The following HNRNPLL variants were observed in gnomAD, a reference collection of about 807,000 sequenced individuals.
The protein encoded by HNRNPLL is heterogeneous nuclear ribonucleoprotein L-like.
In HNRNPLL, 25 loss-of-function variants were observed where a neutral mutation model predicts 67.1. The observed-to-expected ratio is 0.37, with a 90% CI of 0.27 to 0.52. The LOEUF (loss-of-function observed/expected upper bound fraction) is 0.52, where lower values mean the gene tolerates loss of function less well. HNRNPLL is among the 20% of genes least tolerant of loss of function. The probability of loss-of-function intolerance (pLI) is 0.90; values close to 1 mark genes in which losing one functional copy is unlikely to be tolerated. For synonymous variants in HNRNPLL, 267 were observed against 241.7 expected (o/e 1.10, Z -0.97); for missense variants, 542 against 673.9 (o/e 0.80, Z 2.17).
intron 7 of HNRNPLL, among the ~76,000 whole-genome samples, chr2:38,576,173 T>C (rs575777069): frequency 6.6e-6 from 1 of 151,834 alleles, no homozygotes; most frequent in African/African-American, 2.4e-5. Flanking sequence ...GCAGAGTTCC[T>C]TGTCCTTCAT....
At chr2:38,578,513 C>T (rs991827443) in intron 6 of HNRNPLL, among the ~76,000 whole-genome samples, 3 of 152,030 alleles carry the variant, frequency 2.0e-5, no homozygotes, top group African/African-American at 7.2e-5. Flanking sequence ...TATCCTTAGT[C>T]ACCTAAACAA....
intron 1 of HNRNPLL, chr2:38,601,664 T>C (rs1300293696): frequency 6.6e-6 from 1 of 152,204 alleles, no homozygotes; most frequent in Non-Finnish European, 1.5e-5. Flanking sequence ...GTGTGTTTAA[T>C]GCAACCCTGA....
At chr2:38,564,844 A>C (rs76437209) in intron 12 of HNRNPLL, among the ~76,000 whole-genome samples, 1 of 151,996 alleles carries the variant, frequency 6.6e-6, no homozygotes, top group Non-Finnish European at 1.5e-5. Flanking sequence ...TATTGCCAAC[A>C]GTTAACTCTC....
At chr2:38,599,816 G>A (rs1667351417) in intron 1 of HNRNPLL, 1 of 454,888 alleles carries the variant, frequency 2.2e-6, no homozygotes, top group Middle Eastern at 3.3e-4. Flanking sequence ...AAAAAACCAA[G>A]CAATGTAAAT....
In HNRNPLL at chr2:38,569,839, A is replaced by G; in HGVS notation, c.1179T>C (p.Asn393=). The G allele has an allele frequency of 1.3e-6, 2 of 1,497,534 alleles. No homozygotes were observed. The highest frequency in any genetic ancestry group is 1.9e-6 in the Non-Finnish European group (2 of 1,077,726). 92.8% of individuals were successfully genotyped at this position (1,497,534 alleles called of 1,614,324 possible). A position where few individuals can be genotyped will look rare whatever the true frequency, so the allele number is the denominator to read the frequency against. ...GTCTTTTCCCAAATAATTTGACATT[A>G]TTAAGGTGTGTGACAGCTCTTTCTA... ...YAVERAVTHL[N]NVKLFGKRLN... is the part of the protein sequence containing the mutation. Residue 393 remains asparagine, a synonymous_variant, in exon 9 of 13, where the codon AAT becomes AAC. Coordinates refer to ENST00000449105, the MANE Select transcript of HNRNPLL (RefSeq NM_138394.4).
At chr2:38,587,715 C>T (rs867873967) in intron 2 of HNRNPLL, among the ~76,000 whole-genome samples, 25 of 152,132 alleles carry the variant, frequency 1.6e-4, no homozygotes, top group Admixed American at 6.5e-4. Flanking sequence ...TATGTTATTA[C>T]GCTAATAATG....
At chr2:38,564,795 T>C (rs1210641418) in intron 12 of HNRNPLL, among the ~76,000 whole-genome samples, 2 of 151,846 alleles carry the variant, frequency 1.3e-5, no homozygotes, top group East Asian at 3.8e-4. Flanking sequence ...AAAGAATAAA[T>C]AGTATCAGGA....
In HNRNPLL at chr2:38,563,416, G is replaced by A. The variant is rs1665733766; in HGVS notation, c.*766C>T. The stretch of plus-strand genomic sequence containing the variant: ...GGATCCCAGATTATTATCTATAAGA[G>A]GAACTGTTAATTATAACCTCTATTA... On this transcript the variant is annotated 3_prime_UTR_variant, in exon 13 of 13. Coordinates refer to ENST00000449105, the MANE Select transcript of HNRNPLL (RefSeq NM_138394.4). The A allele has an allele frequency of 6.6e-6, 1 of 151,992 alleles. No individual in the cohort carries two copies. The allele number at this position is 151,992 out of a possible 1,614,324, so 9.4% of individuals were successfully genotyped here.
At chr2:38,579,715 G>A (rs115844327) in intron 6 of HNRNPLL, among the ~76,000 whole-genome samples, 4,721 of 151,024 alleles carry the variant, frequency 0.031, 97 homozygotes, top group South Asian at 0.075. Flanking sequence ...TGAAAAAAGT[G>A]AGGGTATGTT....
chr2:38,582,627 A>G (rs1412949977), intron 4 of HNRNPLL, among the ~76,000 whole-genome samples: 1 of 152,024 alleles, frequency 6.6e-6, no homozygotes, highest in Non-Finnish European at 1.5e-5. Flanking sequence ...TTTATTTTTA[A>G]GATCAAGGGT....
At chr2:38,573,734 T>C (rs1450549875) in intron 7 of HNRNPLL, among the ~76,000 whole-genome samples, 1 of 151,758 alleles carries the variant, frequency 6.6e-6, no homozygotes, top group Non-Finnish European at 1.5e-5. Context: ...GAATGTAAAG[T>C]CTGGGGCTAC....
chr2:38,573,448 A>C, intron 7 of HNRNPLL, 21 bp from the exon 8 acceptor site: 1 of 1,493,600 alleles, frequency 6.7e-7, no homozygotes, highest in Non-Finnish European at 9.3e-7. Context: ...GATCAAAATA[A>C]ATAAATTAGT....
intron 8 of HNRNPLL, 51 bp from the exon 9 acceptor site, chr2:38,569,976 A>G: frequency 7.2e-7 from 1 of 1,396,376 alleles, no homozygotes; most frequent in Non-Finnish European, 9.9e-7. Flanking sequence ...CTTTTACAGT[A>G]AAAGAAATTT....
chr2:38,568,360 C>T (rs1456565505), intron 11 of HNRNPLL, 26 bp downstream of exon 11: 6 of 1,607,366 alleles, frequency 3.7e-6, no homozygotes, highest in Non-Finnish European at 5.1e-6. Context: ...AACCAGAAAG[C>T]TTTAAAAGAG....
At chr2:38,564,576 T>C (rs970515656) in intron 12 of HNRNPLL, among the ~76,000 whole-genome samples, 2 of 131,096 alleles carry the variant, frequency 1.5e-5, no homozygotes, top group Non-Finnish European at 3.1e-5. Context: ...GCCAAGATTG[T>C]GCACTCTAGC....
chr2:38,571,741 T>C (rs746620030), intron 8 of HNRNPLL, among the ~76,000 whole-genome samples: 3 of 152,146 alleles, frequency 2.0e-5, no homozygotes, highest in African/African-American at 4.8e-5. Flanking sequence ...TAACTATATA[T>C]GGATCTTTAA....
rs746913248 is a variant in HNRNPLL, at chr2:38,602,906, C to G, written c.-280G>C. The stretch of plus-strand genomic sequence containing the variant: ...CCTCCTCCTCCGTCTCCGCTCCCTG[C>G]CCGGAGGAGCGAATCTAAGGATGGG... On this transcript the variant is annotated 5_prime_UTR_variant, in exon 1 of 13. Transcript: ENST00000449105. 2 of 1,533,304 alleles carry G rather than the reference C, an allele frequency of 1.3e-6. No individual in the cohort carries two copies. The highest frequency in any genetic ancestry group is 1.8e-6 in the Non-Finnish European group (2 of 1,132,198). 95.0% of individuals were successfully genotyped at this position (1,533,304 alleles called of 1,614,324 possible). A position where few individuals can be genotyped will look rare whatever the true frequency, so the allele number is the denominator to read the frequency against.
At chr2:38,601,727 C>T (rs1379458588) in intron 1 of HNRNPLL, 1 of 152,092 alleles carries the variant, frequency 6.6e-6, no homozygotes, top group Non-Finnish European at 1.5e-5. Context: ...CAATGAAAAA[C>T]TTTAGTAATT....
chr2:38,599,329 T>C (rs947671219), intron 1 of HNRNPLL, among the ~76,000 whole-genome samples: 1 of 152,196 alleles, frequency 6.6e-6, no homozygotes, highest in African/African-American at 2.4e-5. Flanking sequence ...CCAAAATAAA[T>C]TAGCACTCCA....
Sources: allele counts gnomAD v4.1 joint callset (sites outside exome capture counted in the v4.1 genomes callset), GRCh38; gene constraint gnomAD v4.1.1; transcripts MANE v1.5; gene names NCBI Gene and HGNC (gene_info 2026-07-23, HGNC 2026-07-21).